Variants in SENP7 observed in about 807,000 individuals in gnomAD.
SENP7 encodes the protein sentrin-specific protease 7.
SENP7 carries 64 observed loss-of-function variants against 141.2 expected under a neutral mutation model. That is an observed-to-expected ratio of 0.45 (90% confidence interval 0.37 to 0.56). The LOEUF (loss-of-function observed/expected upper bound fraction) is 0.56. Ranked by LOEUF, SENP7 falls within the 20% of genes least tolerant of loss-of-function variation. The probability of loss-of-function intolerance (pLI) is 0.00; values close to 1 mark genes in which losing one functional copy is unlikely to be tolerated. For missense variants in SENP7, 1,025 were observed against 1,212.2 expected (o/e 0.85, Z 2.29); for synonymous variants, 382 against 426.4 (o/e 0.90, Z 1.28).
intron 5 of SENP7, among the ~76,000 whole-genome samples, chr3:101,416,682 CT>C (rs762677175): frequency 1.1e-4 from 17 of 152,080 alleles, no homozygotes; most frequent in Non-Finnish European, 2.4e-4. Context: ...ATGATTTTGT[CT>C]TTTTAAAAGA....
chr3:101,411,232 G>A (rs1300377221), intron 5 of SENP7, among the ~76,000 whole-genome samples: 1 of 152,002 alleles, frequency 6.6e-6, no homozygotes, highest in Non-Finnish European at 1.5e-5. Flanking sequence ...CACAATAAAT[G>A]GAATATCACT....
chr3:101,508,454 C>T (rs1474539682), intron 1 of SENP7, among the ~76,000 whole-genome samples: 1 of 152,010 alleles, frequency 6.6e-6, no homozygotes, highest in East Asian at 1.9e-4. Context: ...AAAAAATTAG[C>T]CAGGCGTGGT....
chr3:101,357,450 A>G (rs1576071111), intron 11 of SENP7: 2 of 1,102,232 alleles, frequency 1.8e-6, no homozygotes, highest in Admixed American at 2.3e-5. Flanking sequence ...ACGAAGAGAC[A>G]TAAGATGATT....
At position 101,357,686 on chromosome 3, in the gene SENP7, T is replaced by C. The variant is rs574893751; in HGVS notation, c.1623+4029A>G. The C allele has an allele frequency of 1.8e-3, 1,296 of 727,906 alleles. 7 individuals carry two copies. The highest frequency in any genetic ancestry group is 2.5e-3 in the Non-Finnish European group (1,017 of 399,992). The allele number at this position is 727,906 out of a possible 1,614,324, so 45.1% of individuals were successfully genotyped here. A position where few individuals can be genotyped will look rare whatever the true frequency, so the allele number is the denominator to read the frequency against. The stretch of plus-strand genomic sequence containing the variant: ...AACTACCCAGAGAAAAATATTTCAA[T>C]GTGATAAATATGTGAAAGTCTCTCA... On this transcript the variant is annotated intron_variant, in intron 11 of 23. Coordinates refer to ENST00000394095, the MANE Select transcript of SENP7 (RefSeq NM_020654.5).
At chr3:101,455,208 A>G (rs924143784) in intron 4 of SENP7, among the ~76,000 whole-genome samples, 1 of 152,168 alleles carries the variant, frequency 6.6e-6, no homozygotes, top group African/African-American at 2.4e-5. Flanking sequence ...GGAGAATTCA[A>G]TGTTATTAAA....
In SENP7 at chr3:101,458,970, T is replaced by C; in HGVS notation, c.269A>G (p.Lys90Arg). ...CATATCTTACCTTTCTGGTGATGAC[T>C]TGGAAGTAACAGGACACCCTCGGAT... ...KHIRGCPVTSKSSPERQLKVM... is the reference protein window; with the variant it reads ...KHIRGCPVTSRSSPERQLKVM... The change falls in exon 4 of 24, where the codon AAG becomes AGG. Residue 90 changes from lysine to arginine, a missense_variant. Physicochemically the swap from Lys to Arg is conservative, Grantham distance 26. Around this residue, in one of 4 missense-constraint regions of SENP7, gnomAD observed 496 missense variants for 503.5 expected, o/e 0.99. Coordinates refer to ENST00000394095, the MANE Select transcript of SENP7 (RefSeq NM_020654.5). 1.2e-6 allele frequency: 2 copies of C among 1,604,594 alleles called. No homozygotes were observed. The highest frequency in any genetic ancestry group is 1.1e-5 in the South Asian group (1 of 90,648).
At position 101,442,264 on chromosome 3, in the gene SENP7, T is replaced by C. The variant is rs538111487; in HGVS notation, c.284+16691A>G. ...TCTAAGGCAGCGATCCCCAACTTCT[T>C]GGCACCAGGCACCAGTTTCAGGGAA... is the stretch of plus-strand genomic sequence containing the variant. On this transcript the variant is annotated intron_variant, in intron 4 of 23. Coordinates refer to ENST00000394095, the MANE Select transcript of SENP7 (RefSeq NM_020654.5). 2.0e-5 allele frequency among the ~76,000 whole-genome samples: 3 copies of C among 152,304 alleles called. No homozygotes were observed. The South Asian group carries it at 6.2e-4, about 32-fold the overall frequency.
At chr3:101,513,030 C>G in intron 1 of SENP7, 61 bp downstream of exon 1, 1 of 1,577,480 alleles carries the variant, frequency 6.3e-7, no homozygotes, top group East Asian at 2.2e-5. Context: ...CTGCCGCCTG[C>G]GCCTCCCGTT....
At chr3:101,435,419 T>C (rs147305015) in intron 4 of SENP7, among the ~76,000 whole-genome samples, 2 of 152,138 alleles carry the variant, frequency 1.3e-5, no homozygotes, top group African/African-American at 4.8e-5. Flanking sequence ...TAACATAGTA[T>C]TGGAAGTCCT....
chr3:101,343,919 T>C lies in SENP7; in HGVS notation c.1873A>G (p.Asn625Asp). 6.2e-7 allele frequency: 1 copy of C among 1,604,546 alleles called. No individual in the cohort carries two copies. Among genetic ancestry groups the C allele is most frequent in the Non-Finnish European group, 8.5e-7 (1 of 1,175,158 alleles). The change falls in exon 14 of 24, where the codon AAT becomes GAT. Residue 625 changes from asparagine to aspartate, a missense_variant. By Grantham distance (23) the Asn-to-Asp change is conservative. This residue lies in a region of SENP7 where 228 missense variants were observed against 228.5 expected (regional missense o/e 1.00). Transcript: ENST00000394095. ...SSEFIFLELHNPVSQREELKL... is the reference protein window; with the variant it reads ...SSEFIFLELHDPVSQREELKL... Reference sequence around the variant, plus strand: ...AATTCTTCTCTTTGTGAAACAGGATTGTGTAGTTCAAGGAAAATGAATTCA... The same window carrying C: ...AATTCTTCTCTTTGTGAAACAGGATCGTGTAGTTCAAGGAAAATGAATTCA...
At chr3:101,481,064 T>C (rs1326022668) in intron 3 of SENP7, among the ~76,000 whole-genome samples, 1 of 146,188 alleles carries the variant, frequency 6.8e-6, no homozygotes, top group Non-Finnish European at 1.5e-5. Flanking sequence ...AAAAACAGTA[T>C]GGAGATTTCC....
At chr3:101,353,078 C>T (rs1250950567) in intron 11 of SENP7, among the ~76,000 whole-genome samples, 3 of 151,980 alleles carry the variant, frequency 2.0e-5, no homozygotes, top group Non-Finnish European at 4.4e-5. Flanking sequence ...TATCATTAGA[C>T]ACTAGCATCT....
intron 6 of SENP7, among the ~76,000 whole-genome samples, chr3:101,387,668 A>C (rs1321466562): frequency 6.6e-6 from 1 of 152,038 alleles, no homozygotes; most frequent in African/African-American, 2.4e-5. Flanking sequence ...CTGCCTGTGC[A>C]CTCCATCAGG....
intron 4 of SENP7, chr3:101,457,694 G>C: frequency 8.0e-7 from 1 of 1,243,056 alleles, no homozygotes. Context: ...CCTGCAGTTT[G>C]GCAAGTTTTT....
intron 6 of SENP7, among the ~76,000 whole-genome samples, chr3:101,378,387 T>A (rs923442283): frequency 4.6e-5 from 7 of 151,690 alleles, no homozygotes; most frequent in Admixed American, 4.6e-4. Context: ...ATACTAAAGA[T>A]CAAAACACTG....
At chr3:101,331,156 T>C (rs1436020420) in intron 19 of SENP7, among the ~76,000 whole-genome samples, 2 of 152,130 alleles carry the variant, frequency 1.3e-5, no homozygotes, top group South Asian at 2.1e-4. Context: ...AGCTAGATTT[T>C]GTCATTCTAC....
At chr3:101,407,263 A>C (rs2061332381) in intron 5 of SENP7, among the ~76,000 whole-genome samples, 1 of 152,196 alleles carries the variant, frequency 6.6e-6, no homozygotes, top group African/African-American at 2.4e-5. Context: ...TGCACCTAAC[A>C]CTGGAGCTCC....
At chr3:101,463,728 C>A (rs779580887) in intron 3 of SENP7, among the ~76,000 whole-genome samples, 16 of 151,820 alleles carry the variant, frequency 1.1e-4, no homozygotes, top group Non-Finnish European at 2.2e-4. Context: ...CAACAACTCA[C>A]AAAAGATGAG....
intron 3 of SENP7, among the ~76,000 whole-genome samples, chr3:101,480,309 G>A (rs2064415437): frequency 6.6e-6 from 1 of 152,036 alleles, no homozygotes; most frequent in Non-Finnish European, 1.5e-5. Context: ...CATAGTACTG[G>A]TATTAAAAAC....
Sources: allele counts gnomAD v4.1 joint callset (sites outside exome capture counted in the v4.1 genomes callset), GRCh38; gene constraint gnomAD v4.1.1; regional missense constraint gnomAD v4.1.1; transcripts MANE v1.5; gene names NCBI Gene and HGNC (gene_info 2026-07-23, HGNC 2026-07-21).